Variants in TAF9 observed in about 807,000 individuals in gnomAD.
TAF9 encodes the protein transcription initiation factor TFIID subunit 9.
TAF9 carries 10 observed loss-of-function variants against 16.5 expected under a neutral mutation model. The ratio of observed to expected loss-of-function variants is 0.61; its 90% confidence interval spans 0.37 to 1.03. TAF9 has a LOEUF of 1.03. Ranked by LOEUF, TAF9 falls within the 50% of genes least tolerant of loss-of-function variation. The probability of loss-of-function intolerance (pLI) is 0.01; values close to 1 mark genes in which losing one functional copy is unlikely to be tolerated. For synonymous variants in TAF9, 105 were observed against 120.5 expected, an observed-to-expected ratio of 0.87 and a Z score of 0.84; for missense variants, 288 against 319.1, an observed-to-expected ratio of 0.90 and a Z score of 0.74.
At position 69,365,485 on chromosome 5, in the gene TAF9, A is replaced by G; in HGVS notation, c.253T>C (p.Ser85Pro). 2.5e-6 allele frequency: 4 copies of G among 1,614,052 alleles called. No homozygotes were observed. The highest frequency in any genetic ancestry group is 3.4e-6 in the Non-Finnish European group (4 of 1,180,006). Residue 85 changes from serine to proline, a missense_variant, in exon 3 of 3, where the codon TCT (serine) becomes CCT (proline). By Grantham distance (74) the Ser-to-Pro change is moderately conservative. Transcript: ENST00000217893. The part of the protein sequence containing the change: ...IQCRADQSFT[S>P]PPPRDFLLDI... ...AATAAAAAATCTCTTGGGGGAGGAG[A>G]GGTAAAAGACTGATCAGCGCGGCAC...
chr5:69,369,316 G>T, intron 1 of TAF9, 147 bp downstream of exon 1: 1 of 648,340 alleles, frequency 1.5e-6, no homozygotes, highest in Non-Finnish European at 2.2e-6. Flanking sequence ...GCGAGGGTCG[G>T]CTCCCGGGGC....
rs1386984594 is a variant in TAF9 at position 69,369,515 on chromosome 5, C to T, written c.-163G>A. On this transcript the variant is annotated 5_prime_UTR_variant, in exon 1 of 3. Transcript: ENST00000217893. ...TGGTCCCCGCCGCGACGGCTTCGGGCGCCTCGCTCACGTGCCCTTTGCTCT... is the reference window on the plus strand; with the variant it reads ...TGGTCCCCGCCGCGACGGCTTCGGGTGCCTCGCTCACGTGCCCTTTGCTCT... 7 of 1,611,008 alleles carry T rather than the reference C, an allele frequency of 4.3e-6. No individual in the cohort carries two copies. In the Admixed American group the frequency reaches 6.7e-5, roughly 15 times the overall value.
At position 69,366,530 on chromosome 5, in the gene TAF9, T is replaced by C. The variant is rs904251636; in HGVS notation, c.-45A>G. 6.8e-6 allele frequency: 11 copies of C among 1,613,960 alleles called. No homozygotes were observed. The highest frequency in any genetic ancestry group is 9.3e-6 in the Non-Finnish European group (11 of 1,180,012). On this transcript the variant is annotated 5_prime_UTR_variant, in exon 2 of 3. Transcript: ENST00000217893. ...TCTCGAGCTAAATCACCCACATTAA[T>C]GTATTTCAGTCCTGATTTTGACGCA...
At chr5:69,369,614 C>G (rs1453385095), upstream of TAF9, 1 of 1,578,418 alleles carries the variant, frequency 6.3e-7, no homozygotes, top group Admixed American at 1.9e-5. Flanking sequence ...CACCGCGGCG[C>G]CCCTAGCCTG....
chr5:69,367,466 C>T (rs71622289), intron 1 of TAF9, among the ~76,000 whole-genome samples: 3 of 147,454 alleles, frequency 2.0e-5, no homozygotes, highest in Non-Finnish European at 3.0e-5. Context: ...GCCAAGATCG[C>T]GCCACAGCAC....
In TAF9 at chr5:69,364,841, T is replaced by C; in HGVS notation, c.*102A>G. ...TGGTAACTGTGTTTACTCATTATTA[T>C]TAGTTTTCTAAAACACAACTTGAAA... On this transcript the variant is annotated 3_prime_UTR_variant, in exon 3 of 3. Coordinates refer to ENST00000217893, the MANE Select transcript of TAF9 (RefSeq NM_003187.5). The C allele has an allele frequency of 9.9e-7, 1 of 1,011,898 alleles. No individual in the cohort carries two copies. The highest frequency in any genetic ancestry group is 2.4e-5 in the East Asian group (1 of 41,874). 62.7% of individuals were successfully genotyped at this position (1,011,898 alleles called of 1,614,324 possible).
chr5:69,366,165 C>T (rs1762414575), intron 2 of TAF9, among the ~76,000 whole-genome samples: 1 of 152,200 alleles, frequency 6.6e-6, no homozygotes, highest in African/African-American at 2.4e-5. Flanking sequence ...ACTCACTGTG[C>T]TCATATATAT....
intron 1 of TAF9, 99 bp from the exon 2 acceptor site, chr5:69,366,694 ACCTGGCCTCTGCCCTT>A: frequency 5.8e-6 from 5 of 863,446 alleles, no homozygotes; most frequent in Non-Finnish European, 9.5e-6. Context: ...ACAGAGTCTC[ACCTGGCCTCTGCCCTT>A]AAAAGTTCTT....
At chr5:69,365,785 T>C (rs781149099) in intron 2 of TAF9, 31 bp from the exon 3 acceptor site, 9 of 1,412,422 alleles carry the variant, frequency 6.4e-6, no homozygotes, top group Middle Eastern at 3.7e-4. Context: ...ATATGTACAT[T>C]AGATCAATCT....
At chr5:69,367,070 A>G (rs1762462120) in intron 1 of TAF9, among the ~76,000 whole-genome samples, 1 of 152,156 alleles carries the variant, frequency 6.6e-6, no homozygotes, top group East Asian at 1.9e-4. Context: ...TATGTAAATT[A>G]GCATGTACTA....
intron 2 of TAF9, 144 bp from the exon 3 acceptor site, chr5:69,365,898 T>C: frequency 1.9e-6 from 1 of 516,668 alleles, no homozygotes. Context: ...GTTTTCTTAA[T>C]TTTAATGAGG....
In TAF9 at chr5:69,365,027, G is replaced by A. The variant is rs757925204; in HGVS notation, c.711C>T (p.Ala237=). 3 of 1,613,842 alleles carry A rather than the reference G, an allele frequency of 1.9e-6. No individual in the cohort carries two copies. Among genetic ancestry groups the A allele is most frequent in the South Asian group, 2.2e-5 (2 of 91,078 alleles). ...TTTTCAATGCATTTGATGATTCATTGGCAGTATTTTGTGATGACATCATAT... is the reference window on the plus strand; with the variant it reads ...TTTTCAATGCATTTGATGATTCATTAGCAGTATTTTGTGATGACATCATAT... ...TTNMMSSQNT[A]NESSNALKRK... Residue 237 remains alanine, a synonymous_variant, in exon 3 of 3, where the codon GCC becomes GCT. Coordinates refer to ENST00000217893, the MANE Select transcript of TAF9 (RefSeq NM_003187.5).
Position 69,365,081 on chromosome 5 carries a change from G to T in TAF9, c.657C>A (p.Ile219=). 3 of 1,614,180 alleles carry T rather than the reference G, an allele frequency of 1.9e-6. No individual in the cohort carries two copies. Among genetic ancestry groups the T allele is most frequent in the Non-Finnish European group, 2.5e-6 (3 of 1,180,028 alleles). The change falls in exon 3 of 3, where the codon ATC becomes ATA. Residue 219 remains isoleucine, a synonymous_variant. Transcript: ENST00000217893. ...TGGTAATAAGAATGTTTTTGGACCC[G>T]ATTAATGATGGATTAATCAGAACAT... ...VQNVLINPSL[I]GSKNILITTN... is the part of the protein sequence containing the mutation.
intron 2 of TAF9, 105 bp from the exon 3 acceptor site, chr5:69,365,859 T>C: frequency 1.3e-6 from 1 of 799,458 alleles, no homozygotes; most frequent in Non-Finnish European, 1.8e-6. Flanking sequence ...TGTTAAACTG[T>C]AAAAAAATTT....
intron 1 of TAF9, chr5:69,368,883 T>A (rs1213680096): frequency 6.6e-6 from 1 of 152,634 alleles, no homozygotes; most frequent in Non-Finnish European, 1.5e-5. Context: ...ATGCTCTATA[T>A]GCCTTCCTTT....
Position 69,365,630 on chromosome 5 carries a change from T to A in TAF9, c.108A>T (p.Ile36=). ...MGITEYEPRV[I]NQMLEFAFRY... ...GGAAGGCAAACTCCAACATCTGATTTATAACTCTTGGCTCATATTCTGTAA... is the reference window on the plus strand; with the variant it reads ...GGAAGGCAAACTCCAACATCTGATTAATAACTCTTGGCTCATATTCTGTAA... The change falls in exon 3 of 3, where the codon ATA becomes ATT. Residue 36 remains isoleucine, a synonymous_variant. Coordinates refer to ENST00000217893, the MANE Select transcript of TAF9 (RefSeq NM_003187.5). 1.2e-6 allele frequency: 2 copies of A among 1,614,086 alleles called. No individual in the cohort carries two copies. Among genetic ancestry groups the A allele is most frequent in the Non-Finnish European group, 1.7e-6 (2 of 1,179,992 alleles).
chr5:69,369,797 C>T, upstream of TAF9: 1 of 1,300,964 alleles, frequency 7.7e-7, no homozygotes, highest in Non-Finnish European at 1.1e-6. Flanking sequence ...GCCGACCAGT[C>T]TGGAAGGTCC....
chr5:69,367,640 C>T (rs1179711954), intron 1 of TAF9, among the ~76,000 whole-genome samples: 1 of 152,054 alleles, frequency 6.6e-6, no homozygotes, highest in Non-Finnish European at 1.5e-5. Context: ...AGAGCCTTTA[C>T]CTCCTGGGCT....
At chr5:69,368,833 T>C (rs1371521051) in intron 1 of TAF9, 2 of 152,264 alleles carry the variant, frequency 1.3e-5, no homozygotes, top group Non-Finnish European at 2.9e-5. Flanking sequence ...ACCCTGAGTA[T>C]GGCTTCAAAG....
Sources: gnomAD v4.1 joint callset for allele counts (sites outside exome capture counted in the v4.1 genomes callset) on GRCh38, gnomAD v4.1.1 for gene constraint, MANE v1.5 for transcripts, NCBI Gene and HGNC (gene_info 2026-07-23, HGNC 2026-07-21) for gene names.